The following DCTN5 variants were observed in gnomAD, a reference collection of about 807,000 sequenced individuals.
DCTN5 encodes dynactin subunit 5.
Under a neutral mutation model 23.5 loss-of-function variants are expected in DCTN5, and 14 were observed. The observed-to-expected ratio is 0.60, with a 90% CI of 0.39 to 0.93. DCTN5 has a LOEUF of 0.93. Ranked by LOEUF, DCTN5 falls within the 40% of genes least tolerant of loss-of-function variation. The pLI, the probability that DCTN5 is intolerant of heterozygous loss-of-function variation, is 0.00. For missense variants in DCTN5, 156 were observed against 225.9 expected, an observed-to-expected ratio of 0.69 and a Z score of 1.98; for synonymous variants, 67 against 79.6, an observed-to-expected ratio of 0.84 and a Z score of 0.84.
intron 2 of DCTN5, among the ~76,000 whole-genome samples, chr16:23,649,567 G>T (rs1486084914): frequency 6.6e-6 from 1 of 152,132 alleles, no homozygotes; most frequent in African/African-American, 2.4e-5. Flanking sequence ...TATAGACCAG[G>T]TGCAGTGGCT....
At position 23,674,753 on chromosome 16, in the gene DCTN5, G is replaced by A. The variant is rs1161691972; in HGVS notation, c.*7609G>A. 2.0e-5 allele frequency: 3 copies of A among 152,156 alleles called. No homozygotes were observed. Among genetic ancestry groups the A allele is most frequent in the Non-Finnish European group, 4.4e-5 (3 of 68,046 alleles). 9.4% of individuals were successfully genotyped at this position (152,156 alleles called of 1,614,324 possible). A position where few individuals can be genotyped will look rare whatever the true frequency, so the allele number is the denominator to read the frequency against. On this transcript the variant is annotated 3_prime_UTR_variant, in exon 6 of 6. Transcript: ENST00000300087. ...TTTCATCCTTTATTAGTTTGCTAAGGATACCATAACAAAGTACCACAAACT... is the reference window on the plus strand; with the variant it reads ...TTTCATCCTTTATTAGTTTGCTAAGAATACCATAACAAAGTACCACAAACT...
At position 23,661,872 on chromosome 16, in the gene DCTN5, G is replaced by A. The variant is rs771021465; in HGVS notation, c.348+591G>A. Among the ~76,000 whole-genome samples, 3 of 151,934 alleles carry A rather than the reference G, an allele frequency of 2.0e-5. No individual in the cohort carries two copies. In the East Asian group the frequency reaches 5.8e-4, roughly 29 times the overall value. ...TTAATCCTTACAACCATTCAGATGTGTTAGGTGTTATCCCTATTTGCAGAT... is the reference window on the plus strand; with the variant it reads ...TTAATCCTTACAACCATTCAGATGTATTAGGTGTTATCCCTATTTGCAGAT... On this transcript the variant is annotated intron_variant, in intron 4 of 5. Transcript: ENST00000300087.
chr16:23,658,436 C>G (rs761659761), intron 2 of DCTN5, 71 bp from the exon 3 acceptor site: 1 of 966,240 alleles, frequency 1.0e-6, no homozygotes, highest in Non-Finnish European at 1.7e-6. Context: ...ATCAGTATCT[C>G]GTTATCTACT....
At position 23,665,727 on chromosome 16, in the gene DCTN5, AG is replaced by A. The variant is rs764107624; in HGVS notation, c.451+1del. The A allele has an allele frequency of 1.2e-6, 2 of 1,612,226 alleles. No homozygotes were observed. Among genetic ancestry groups the A allele is most frequent in the Admixed American group, 3.4e-5 (2 of 59,688 alleles). ...PPFTVFSGCP[G>X]LFSGELPECT... ...CATTCACTGTCTTCTCAGGCTGCCC[AG>A]GTAACCTTGGCTGTTGATTAATTTT... On this transcript the variant is annotated frameshift_variant and splice_region_variant, in exon 5 of 6. Transcript: ENST00000300087. LOFTEE classifies it high-confidence loss of function.
At chr16:23,644,926 C>T (rs1967392933) in intron 2 of DCTN5, among the ~76,000 whole-genome samples, 1 of 148,370 alleles carries the variant, frequency 6.7e-6, no homozygotes, top group Non-Finnish European at 1.5e-5. Flanking sequence ...ACTACAGGTG[C>T]ACGCCACTAC....
chr16:23,661,457 G>A (rs886918705), intron 4 of DCTN5, among the ~76,000 whole-genome samples, 176 bp downstream of exon 4: 2 of 152,296 alleles, frequency 1.3e-5, no homozygotes, highest in South Asian at 2.1e-4. Context: ...GGTGGCTCAT[G>A]CCTGTAATCC....
At chr16:23,645,550 C>G (rs948407537) in intron 2 of DCTN5, among the ~76,000 whole-genome samples, 3 of 152,174 alleles carry the variant, frequency 2.0e-5, no homozygotes, top group Admixed American at 6.5e-5. Flanking sequence ...TTAAGGAATA[C>G]ACGCCCATTC....
At chr16:23,650,761 T>C (rs1177648957) in intron 2 of DCTN5, 1 of 1,535,030 alleles carries the variant, frequency 6.5e-7, no homozygotes, top group African/African-American at 1.4e-5. Context: ...TTCAGAACTT[T>C]GTCATTTCTG....
At chr16:23,655,209 A>G (rs191387446) in intron 2 of DCTN5, among the ~76,000 whole-genome samples, 13 of 152,252 alleles carry the variant, frequency 8.5e-5, no homozygotes, top group African/African-American at 2.9e-4. Context: ...CTTTTAAGAC[A>G]TGTACAAAAG....
In DCTN5 at chr16:23,669,969, C is replaced by T. The variant is rs1411784331; in HGVS notation, c.*2825C>T. 1 of 152,152 alleles carries T rather than the reference C, an allele frequency of 6.6e-6. No homozygotes were observed. Among genetic ancestry groups the T allele is most frequent in the African/African-American group, 2.4e-5 (1 of 41,412 alleles). The allele number at this position is 152,152 out of a possible 1,614,324, so 9.4% of individuals were successfully genotyped here. On this transcript the variant is annotated 3_prime_UTR_variant, in exon 6 of 6. Transcript: ENST00000300087. ...TTCCCATAGCACCTTACCGAGGCGC[C>T]CTTATCAATAGAGTTTTAGTTATGT...
intron 2 of DCTN5, among the ~76,000 whole-genome samples, chr16:23,645,855 T>C (rs1364511171): frequency 2.0e-5 from 3 of 152,206 alleles, no homozygotes; most frequent in African/African-American, 7.2e-5. Flanking sequence ...GATGTGCAAG[T>C]ATCTGTTTGT....
chr16:23,650,381 A>G (rs1393871310), intron 2 of DCTN5, among the ~76,000 whole-genome samples: 1 of 151,580 alleles, frequency 6.6e-6, no homozygotes, highest in Non-Finnish European at 1.5e-5. Flanking sequence ...CTGGAGTGTA[A>G]TGGTGCGATC....
chr16:23,649,837 CAAAAA>C (rs1175500177), intron 2 of DCTN5, among the ~76,000 whole-genome samples: 3 of 55,994 alleles, frequency 5.4e-5, no homozygotes, highest in African/African-American at 1.1e-4. Context: ...GACTCTGTCT[CAAAAA>C]AAAAAAAAAA....
intron 3 of DCTN5, among the ~76,000 whole-genome samples, chr16:23,660,833 C>T (rs146026898): frequency 1.2e-3 from 189 of 152,326 alleles, no homozygotes; most frequent in African/African-American, 4.4e-3. Flanking sequence ...GGGCAGGTTA[C>T]TAAAAATGTG....
intron 1 of DCTN5, among the ~76,000 whole-genome samples, chr16:23,641,949 G>T (rs997750514): frequency 5.3e-5 from 8 of 151,980 alleles, no homozygotes; most frequent in African/African-American, 1.9e-4. Flanking sequence ...GAGGAAGGGG[G>T]TTGGGGGGCG....
chr16:23,649,902 G>T (rs915938485), intron 2 of DCTN5, among the ~76,000 whole-genome samples: 1 of 151,850 alleles, frequency 6.6e-6, no homozygotes, highest in Non-Finnish European at 1.5e-5. Flanking sequence ...ACAGGTGTGG[G>T]GTCTACTTCT....
At chr16:23,648,311 C>T (rs1440390455) in intron 2 of DCTN5, among the ~76,000 whole-genome samples, 1 of 150,438 alleles carries the variant, frequency 6.6e-6, no homozygotes, top group Non-Finnish European at 1.5e-5. Flanking sequence ...CGGGCATGCA[C>T]CACCATTGCT....
At chr16:23,641,651 C>A in intron 1 of DCTN5, 61 bp downstream of exon 1, 1 of 1,589,820 alleles carries the variant, frequency 6.3e-7, no homozygotes, top group Non-Finnish European at 8.6e-7. Context: ...GAGGCCTGGT[C>A]GGCGTTCCCA....
chr16:23,648,314 C>T (rs962638326), intron 2 of DCTN5, among the ~76,000 whole-genome samples: 2 of 150,246 alleles, frequency 1.3e-5, no homozygotes, highest in Non-Finnish European at 3.0e-5. Flanking sequence ...GCATGCACCA[C>T]CATTGCTGGC....
Sources: allele counts gnomAD v4.1 joint callset (sites outside exome capture counted in the v4.1 genomes callset), GRCh38; gene constraint gnomAD v4.1.1; transcripts MANE v1.5; gene names NCBI Gene and HGNC (gene_info 2026-07-23, HGNC 2026-07-21).